Variants in TCP11L1 observed in about 807,000 individuals in gnomAD.
The protein encoded by TCP11L1 is t-complex 11 like 1, also known as T-complex protein 11-like protein 1.
In TCP11L1, 28 loss-of-function variants were observed where a neutral mutation model predicts 48.9. The observed-to-expected ratio is 0.57, with a 90% CI of 0.42 to 0.78. The LOEUF is 0.78. Among genes scored for constraint, TCP11L1 ranks in the 30% least tolerant of loss-of-function variants. TCP11L1 has a pLI of 0.00. For missense variants in TCP11L1, 505 were observed against 613.4 expected (o/e 0.82, Z 1.87); for synonymous variants, 204 against 231.9 (o/e 0.88, Z 1.09).
chr11:33,044,480 C>T (rs949572748), intron 2 of TCP11L1, among the ~76,000 whole-genome samples: 3 of 152,162 alleles, frequency 2.0e-5, no homozygotes, highest in African/African-American at 7.2e-5. Flanking sequence ...CCAGTGGTTG[C>T]CTCAACTCAC....
chr11:33,039,956 G>A (rs1853779415), intron 1 of TCP11L1, 164 bp downstream of exon 1: 1 of 152,386 alleles, frequency 6.6e-6, no homozygotes, highest in Non-Finnish European at 1.5e-5. Flanking sequence ...CACCCCTCGA[G>A]GCTGTCCTCT....
chr11:33,056,674 CCT>C (rs1854318171), intron 3 of TCP11L1: 1 of 253,212 alleles, frequency 3.9e-6, no homozygotes, highest in Admixed American at 4.9e-5. Flanking sequence ...GAACTCCTCA[CCT>C]CAGGTGAACT....
chr11:33,066,028 T>C lies in TCP11L1; in HGVS notation c.1154+17T>C. The C allele has an allele frequency of 4.3e-6, 7 of 1,613,332 alleles. No homozygotes were observed. The highest frequency in any genetic ancestry group is 5.9e-6 in the Non-Finnish European group (7 of 1,179,494). On this transcript the variant is annotated intron_variant, in intron 8 of 9. Transcript: ENST00000334274. ...GCACCTGCCGTAAGTGGAACTTTGATGCGTGGATGGGACGCAGTGGATGTC... is the reference window on the plus strand; with the variant it reads ...GCACCTGCCGTAAGTGGAACTTTGACGCGTGGATGGGACGCAGTGGATGTC...
At chr11:33,044,979 T>G (rs1033719) in intron 2 of TCP11L1, among the ~76,000 whole-genome samples, 61,963 of 152,006 alleles carry the variant, frequency 0.41, 12,812 homozygotes, top group African/African-American at 0.46. Context: ...AGAACAGTGC[T>G]TCACAGGTAA....
rs1258405137 is a variant in TCP11L1, at chr11:33,058,070, T to C, written c.569T>C (p.Leu190Pro). The C allele has an allele frequency of 3.1e-6, 5 of 1,614,072 alleles. No homozygotes were observed. Among genetic ancestry groups the C allele is most frequent in the Non-Finnish European group, 3.4e-6 (4 of 1,180,050 alleles). Residue 190 changes from leucine (L) to proline (P), a missense_variant, in exon 5 of 10, where the codon CTG becomes CCG. Physicochemically the swap from Leu to Pro is moderately conservative, Grantham distance 98. Transcript: ENST00000334274. ...AEFIIGMMGTLCAPARDEEVK... is the reference protein window; with the variant it reads ...AEFIIGMMGTPCAPARDEEVK... The stretch of plus-strand genomic sequence containing the variant: ...TTCATTATTGGCATGATGGGGACAC[T>C]GTGTGCACCTGCTCGAGATGAGGAA...
intron 8 of TCP11L1, 105 bp downstream of exon 8, chr11:33,066,116 T>C: frequency 1.4e-6 from 2 of 1,416,922 alleles, no homozygotes; most frequent in Non-Finnish European, 1.9e-6. Context: ...AGGGCCACTC[T>C]CTAGGAACTG....
At chr11:33,072,206 G>A (rs1351587289) in intron 9 of TCP11L1, among the ~76,000 whole-genome samples, 1 of 152,164 alleles carries the variant, frequency 6.6e-6, no homozygotes, top group Non-Finnish European at 1.5e-5. Flanking sequence ...TGGGTCTCAT[G>A]CCAGTCACTG....
At chr11:33,059,813 C>T (rs1055585624) in intron 6 of TCP11L1, among the ~76,000 whole-genome samples, 3 of 152,142 alleles carry the variant, frequency 2.0e-5, no homozygotes, top group Non-Finnish European at 4.4e-5. Flanking sequence ...CAGCCCCAGG[C>T]AGAGGAGTCT....
In TCP11L1 at chr11:33,044,083, C is replaced by T. The variant is rs187282019; in HGVS notation, c.163+147C>T. The T allele has an allele frequency of 2.0e-4, 143 of 721,352 alleles. No individual in the cohort carries two copies. In the African/African-American group the frequency reaches 2.5e-3, roughly 13 times the overall value. 44.7% of individuals were successfully genotyped at this position (721,352 alleles called of 1,614,324 possible). ...GCATTTAGGAATAATAGCAGTTCCT[C>T]AGCTGGCAGCCTAGCTACTTGTGGA... On this transcript the variant is annotated intron_variant, in intron 2 of 9. Coordinates refer to ENST00000334274, the MANE Select transcript of TCP11L1 (RefSeq NM_018393.4).
intron 1 of TCP11L1, among the ~76,000 whole-genome samples, chr11:33,042,075 G>T (rs142313945): frequency 6.2e-4 from 95 of 152,326 alleles, no homozygotes; most frequent in Middle Eastern, 3.4e-3. Flanking sequence ...CCTAGGAAAA[G>T]GGAGAGTGGA....
chr11:33,065,710 A>G (rs1854594992), intron 7 of TCP11L1, 120 bp from the exon 8 acceptor site: 3 of 1,126,760 alleles, frequency 2.7e-6, no homozygotes, highest in African/African-American at 3.1e-5. Context: ...CAAAGCTCTG[A>G]CACACTAGCG....
chr11:33,064,572 GA>G (rs10710689), intron 7 of TCP11L1, among the ~76,000 whole-genome samples: 22,981 of 152,144 alleles, frequency 0.15, 1,893 homozygotes, highest in East Asian at 0.3. Context: ...TAACATGGGG[GA>G]GGCAGTCATG....
Position 33,059,114 on chromosome 11 carries a change from GGTA to G in TCP11L1, c.775+20_775+22del. The G allele has an allele frequency of 6.2e-7, 1 of 1,609,906 alleles. No individual in the cohort carries two copies. The highest frequency in any genetic ancestry group is 8.5e-7 in the Non-Finnish European group (1 of 1,178,312). ...CAACCAAGTATGTTGAATATTTTGT[GGTA>G]CTTTTTTTGTTGTCTGTGGTTTTTC... is the stretch of plus-strand genomic sequence containing the variant. On this transcript the variant is annotated intron_variant, in intron 6 of 9. Transcript: ENST00000334274.
intron 2 of TCP11L1, among the ~76,000 whole-genome samples, chr11:33,047,081 G>A (rs1028370691): frequency 6.6e-6 from 1 of 151,940 alleles, no homozygotes; most frequent in African/African-American, 2.4e-5. Flanking sequence ...AAATTAGCCG[G>A]GAGTGGTGGT....
chr11:33,072,332 A>T, intron 9 of TCP11L1, 142 bp from the exon 10 acceptor site: 1 of 784,874 alleles, frequency 1.3e-6, no homozygotes, highest in Non-Finnish European at 2.2e-6. Context: ...CAGAAGTGCA[A>T]GGTGCTGTGG....
At chr11:33,047,901 A>G (rs940537578) in intron 2 of TCP11L1, among the ~76,000 whole-genome samples, 12 of 152,306 alleles carry the variant, frequency 7.9e-5, no homozygotes, top group African/African-American at 1.7e-4. Flanking sequence ...CCCTCCATAA[A>G]TGTCCGTCCA....
chr11:33,069,197 G>C (rs927523661), intron 9 of TCP11L1, among the ~76,000 whole-genome samples: 8 of 152,184 alleles, frequency 5.3e-5, no homozygotes, highest in African/African-American at 1.9e-4. Flanking sequence ...AACTCCCTGG[G>C]ATGAGAAGGT....
intron 9 of TCP11L1, among the ~76,000 whole-genome samples, chr11:33,072,124 G>A (rs879339733): frequency 6.6e-6 from 1 of 152,056 alleles, no homozygotes; most frequent in African/African-American, 2.4e-5. Context: ...GATTACAGGC[G>A]TGAGCCACCG....
At chr11:33,057,286 A>T in intron 4 of TCP11L1, 51 bp downstream of exon 4, 1 of 1,609,962 alleles carries the variant, frequency 6.2e-7, no homozygotes, top group Non-Finnish European at 8.5e-7. Context: ...AGGAGTGTTT[A>T]TTCAACTTCT....
Sources: allele counts gnomAD v4.1 joint callset (sites outside exome capture counted in the v4.1 genomes callset), GRCh38; gene constraint gnomAD v4.1.1; transcripts MANE v1.5; gene names NCBI Gene and HGNC (gene_info 2026-07-23, HGNC 2026-07-21).